UNC5C: variants seen among roughly 807,000 people sequenced by gnomAD.
The protein encoded by UNC5C is netrin receptor UNC5C.
UNC5C carries 47 observed loss-of-function variants against 99.8 expected under a neutral mutation model. The ratio of observed to expected loss-of-function variants is 0.47; its 90% CI spans 0.37 to 0.60. UNC5C has a LOEUF of 0.60. Ranked by LOEUF, UNC5C falls within the 20% of genes least tolerant of loss-of-function variation. UNC5C has a pLI of 0.00. For synonymous variants in UNC5C, 487 were observed against 452.2 expected, an observed-to-expected ratio of 1.08 and a Z score of -0.98; for missense variants, 1,062 against 1,165.9, an observed-to-expected ratio of 0.91 and a Z score of 1.30.
chr4:95,303,257 C>T (rs1187394139), intron 2 of UNC5C, among the ~76,000 whole-genome samples: 1 of 152,178 alleles, frequency 6.6e-6, no homozygotes, highest in Non-Finnish European at 1.5e-5. Context: ...TTCTCAGGCT[C>T]CATGCCAAAC....
chr4:95,532,266 T>C (rs1722666025), intron 1 of UNC5C, among the ~76,000 whole-genome samples: 1 of 152,050 alleles, frequency 6.6e-6, no homozygotes, highest in Admixed American at 6.5e-5. Flanking sequence ...AAGCACTCAC[T>C]CCTGAGATAG....
At chr4:95,268,285 G>A (rs1740527425) in intron 4 of UNC5C, among the ~76,000 whole-genome samples, 1 of 152,114 alleles carries the variant, frequency 6.6e-6, no homozygotes, top group Non-Finnish European at 1.5e-5. Context: ...GACTTTTTAA[G>A]GGTTTCAAAT....
chr4:95,227,242 T>A (rs1738734825), intron 7 of UNC5C, among the ~76,000 whole-genome samples: 1 of 152,018 alleles, frequency 6.6e-6, no homozygotes, highest in African/African-American at 2.4e-5. Context: ...CTCCACCTCT[T>A]GGGATCAAGC....
At chr4:95,275,903 C>T (rs1244486210) in intron 4 of UNC5C, among the ~76,000 whole-genome samples, 1 of 152,160 alleles carries the variant, frequency 6.6e-6, no homozygotes, top group Non-Finnish European at 1.5e-5. Context: ...CCAGTCTGGC[C>T]TCATCTCCCA....
At chr4:95,502,588 A>C (rs188114120) in intron 1 of UNC5C, among the ~76,000 whole-genome samples, 5 of 152,282 alleles carry the variant, frequency 3.3e-5, no homozygotes, top group Admixed American at 2.6e-4. Flanking sequence ...TTATATGGAC[A>C]AACATTTTGT....
chr4:95,505,033 A>G (rs1254349957), intron 1 of UNC5C, among the ~76,000 whole-genome samples: 4 of 152,254 alleles, frequency 2.6e-5, no homozygotes, highest in Non-Finnish European at 5.9e-5. Flanking sequence ...TTACTAAATA[A>G]AAATGACAAC....
intron 1 of UNC5C, among the ~76,000 whole-genome samples, chr4:95,546,091 G>T (rs1723054772): frequency 6.6e-6 from 1 of 152,140 alleles, no homozygotes; most frequent in Non-Finnish European, 1.5e-5. Context: ...AATTTTTGCA[G>T]TACTTCAGCA....
chr4:95,349,717 C>T (rs1560798760), intron 1 of UNC5C, among the ~76,000 whole-genome samples: 1 of 151,986 alleles, frequency 6.6e-6, no homozygotes, highest in Non-Finnish European at 1.5e-5. Flanking sequence ...CACTTGATGT[C>T]TCCATTAAAA....
chr4:95,405,966 A>G (rs1406102276), intron 1 of UNC5C, among the ~76,000 whole-genome samples: 1 of 152,224 alleles, frequency 6.6e-6, no homozygotes, highest in Non-Finnish European at 1.5e-5. Flanking sequence ...TGAAATGAAC[A>G]TACAACTCTG....
chr4:95,237,202 A>G (rs945724153), intron 7 of UNC5C, among the ~76,000 whole-genome samples: 5 of 152,158 alleles, frequency 3.3e-5, no homozygotes, highest in Admixed American at 6.6e-5. Context: ...CAGATGTGCA[A>G]CTCACTGATA....
intron 1 of UNC5C, among the ~76,000 whole-genome samples, chr4:95,416,530 C>T (rs1287218237): frequency 6.6e-6 from 1 of 151,972 alleles, no homozygotes; most frequent in Non-Finnish European, 1.5e-5. Flanking sequence ...AATTCTCTGG[C>T]TAGGAGGTAG....
At chr4:95,298,284 C>A (rs1034027451) in intron 3 of UNC5C, among the ~76,000 whole-genome samples, 2 of 152,154 alleles carry the variant, frequency 1.3e-5, no homozygotes, top group Non-Finnish European at 2.9e-5. Context: ...TGCACTCCAG[C>A]CTGGTGACAG....
At chr4:95,548,545 A>C (rs1723137502) in intron 1 of UNC5C, among the ~76,000 whole-genome samples, 189 bp downstream of exon 1, 1 of 151,444 alleles carries the variant, frequency 6.6e-6, no homozygotes. Flanking sequence ...GATTAAACAT[A>C]ATAATAATAA....
intron 1 of UNC5C, among the ~76,000 whole-genome samples, chr4:95,524,897 G>C (rs1033511983): frequency 6.6e-6 from 1 of 152,152 alleles, no homozygotes; most frequent in Non-Finnish European, 1.5e-5. Flanking sequence ...ATGGGGGTCT[G>C]TTTCCTCATC....
intron 2 of UNC5C, among the ~76,000 whole-genome samples, chr4:95,325,814 A>C (rs35733261): frequency 0.048 from 7,377 of 152,254 alleles, 582 homozygotes; most frequent in African/African-American, 0.17. Flanking sequence ...AAAGGTCTGC[A>C]TGTGGAAAAC....
At chr4:95,264,015 C>T (rs1740342251) in intron 4 of UNC5C, among the ~76,000 whole-genome samples, 1 of 152,154 alleles carries the variant, frequency 6.6e-6, no homozygotes. Flanking sequence ...GTCCTAAAGA[C>T]ACCATCTATT....
intron 4 of UNC5C, among the ~76,000 whole-genome samples, chr4:95,272,039 G>T (rs1215576592): frequency 2.3e-5 from 3 of 128,990 alleles, no homozygotes; most frequent in Non-Finnish European, 4.9e-5. Flanking sequence ...TCAGATCTCA[G>T]CTCCATTACT....
chr4:95,205,396 ATTT>A (rs1737839331), intron 11 of UNC5C, among the ~76,000 whole-genome samples: 1 of 152,166 alleles, frequency 6.6e-6, no homozygotes, highest in African/African-American at 2.4e-5. Context: ...GTATTTATTT[ATTT>A]ATTATGTACG....
chr4:95,445,009 G>A (rs931588271), intron 1 of UNC5C, among the ~76,000 whole-genome samples: 1 of 152,168 alleles, frequency 6.6e-6, no homozygotes, highest in African/African-American at 2.4e-5. Context: ...AGCTGTGGAG[G>A]CAGAGTCTTG....
Sources: allele counts gnomAD v4.1 joint callset (sites outside exome capture counted in the v4.1 genomes callset), GRCh38; gene constraint gnomAD v4.1.1; transcripts MANE v1.5; gene names NCBI Gene and HGNC (gene_info 2026-07-23, HGNC 2026-07-21).